The following XXYLT1 variants were observed in gnomAD, a reference collection of about 807,000 sequenced individuals.
XXYLT1 encodes the protein xyloside xylosyltransferase 1.
Under a neutral mutation model 28.9 loss-of-function variants are expected in XXYLT1, and 20 were observed. That is an observed-to-expected ratio of 0.69 (90% CI 0.49 to 1.00). The LOEUF (loss-of-function observed/expected upper bound fraction) is 1.00. Among genes scored for constraint, XXYLT1 ranks in the 50% least tolerant of loss-of-function variants. The pLI is 0.00. For synonymous variants in XXYLT1, 257 were observed against 253.8 expected (o/e 1.01, Z -0.12); for missense variants, 542 against 560.1 (o/e 0.97, Z 0.33).
rs187221325 is a variant in XXYLT1 at position 195,192,627 on chromosome 3, A to T, written c.652+34082T>A. ...GAATGCATGGCTGGTATAACATCTGAAATTAATGTAATACCCACAGACAAT... is the reference window on the plus strand; with the variant it reads ...GAATGCATGGCTGGTATAACATCTGTAATTAATGTAATACCCACAGACAAT... On this transcript the variant is annotated intron_variant, in intron 2 of 3. Coordinates refer to ENST00000310380, the MANE Select transcript of XXYLT1 (RefSeq NM_152531.5). Among the ~76,000 whole-genome samples the T allele has an allele frequency of 2.6e-5, 4 of 152,350 alleles. No individual in the cohort carries two copies. The East Asian group carries it at 7.7e-4, about 29-fold the overall frequency.
At chr3:195,187,262 C>T (rs1273590726) in intron 2 of XXYLT1, among the ~76,000 whole-genome samples, 2 of 150,530 alleles carry the variant, frequency 1.3e-5, no homozygotes, top group Admixed American at 6.6e-5. Context: ...AAGATAGAGA[C>T]GGGGTTTCAC....
intron 3 of XXYLT1, among the ~76,000 whole-genome samples, chr3:195,071,424 C>T (rs960983069): frequency 6.6e-6 from 1 of 152,228 alleles, no homozygotes; most frequent in African/African-American, 2.4e-5. Flanking sequence ...CATTGCTCCG[C>T]TTCTGGGAAC....
chr3:195,073,254 C>T lies in XXYLT1; in HGVS notation c.786-3143G>A, dbSNP rs140632744. Among the ~76,000 whole-genome samples the T allele has an allele frequency of 2.8e-3, 420 of 152,256 alleles. 2 individuals carry two copies. Among genetic ancestry groups the T allele is most frequent in the African/African-American group, 8.3e-3 (344 of 41,538 alleles). On this transcript the variant is annotated intron_variant, in intron 3 of 3. Transcript: ENST00000310380. ...GGCCGAGGCCAGGGGACAGGGTGATCGGGTGATGCTGGCACATTAGGAACT... is the reference window on the plus strand; with the variant it reads ...GGCCGAGGCCAGGGGACAGGGTGATTGGGTGATGCTGGCACATTAGGAACT...
chr3:195,078,003 C>T lies in XXYLT1; in HGVS notation c.786-7892G>A, dbSNP rs1250238288. Among the ~76,000 whole-genome samples, 2 of 152,098 alleles carry T rather than the reference C, an allele frequency of 1.3e-5. No homozygotes were observed. Among genetic ancestry groups the T allele is most frequent in the African/African-American group, 4.8e-5 (2 of 41,422 alleles). ...TCAGTCACATGCAGCCCCGGAGCCTCGGCCCTGGGAGGGGCAAGGGACAGA... is the reference window on the plus strand; with the variant it reads ...TCAGTCACATGCAGCCCCGGAGCCTTGGCCCTGGGAGGGGCAAGGGACAGA... On this transcript the variant is annotated intron_variant, in intron 3 of 3. Transcript: ENST00000310380. The surrounding 1 kb of genome is among the most constrained non-coding windows in gnomAD (Gnocchi z 5.0).
At chr3:195,147,422 T>C (rs558879916) in intron 3 of XXYLT1, among the ~76,000 whole-genome samples, 20 of 152,116 alleles carry the variant, frequency 1.3e-4, no homozygotes, top group African/African-American at 4.8e-4. Context: ...ATACAAAAAT[T>C]AGCCAGGCAT....
chr3:195,157,242 CA>C (rs34312884), intron 2 of XXYLT1, among the ~76,000 whole-genome samples: 1,752 of 73,802 alleles, frequency 0.024, 16 homozygotes, highest in African/African-American at 0.078. Flanking sequence ...GGCGCCATCT[CA>C]AAAAAAAAAA....
At chr3:195,098,494 A>G (rs895567933) in intron 3 of XXYLT1, among the ~76,000 whole-genome samples, 3 of 152,230 alleles carry the variant, frequency 2.0e-5, no homozygotes, top group African/African-American at 7.2e-5. Flanking sequence ...CGGAGCTTGC[A>G]GTGAGCGGAG....
At chr3:195,080,697 G>A (rs73890663) in intron 3 of XXYLT1, among the ~76,000 whole-genome samples, 3,787 of 152,272 alleles carry the variant, frequency 0.025, 146 homozygotes, top group African/African-American at 0.087. Context: ...CCGGGACAGC[G>A]AGCAGAGTGC....
chr3:195,124,337 G>A lies in XXYLT1; in HGVS notation c.785+32112C>T, dbSNP rs533740459. 2.5e-4 allele frequency among the ~76,000 whole-genome samples: 38 copies of A among 152,352 alleles called. No individual in the cohort carries two copies. The South Asian group carries it at 7.9e-3, about 32-fold the overall frequency. Reference sequence around the variant, plus strand: ...GTTTTCTACAGGAACTGACCAGATGGTTGGGGGCTGGACTGAGATGCTTCT... The same window carrying A: ...GTTTTCTACAGGAACTGACCAGATGATTGGGGGCTGGACTGAGATGCTTCT... On this transcript the variant is annotated intron_variant, in intron 3 of 3. Transcript: ENST00000310380. The surrounding 1 kb of genome is among the most constrained non-coding windows in gnomAD (Gnocchi z 4.1).
At chr3:195,221,834 G>A (rs1418130939) in intron 2 of XXYLT1, among the ~76,000 whole-genome samples, 1 of 152,190 alleles carries the variant, frequency 6.6e-6, no homozygotes, top group Non-Finnish European at 1.5e-5. Context: ...GGATGTGGGT[G>A]AAGAGCAGAG....
intron 1 of XXYLT1, among the ~76,000 whole-genome samples, chr3:195,265,531 G>A (rs1317240778): frequency 6.6e-6 from 1 of 152,226 alleles, no homozygotes; most frequent in Non-Finnish European, 1.5e-5. Flanking sequence ...TGTGCTCCAT[G>A]GAGGCCATAC....
At chr3:195,204,341 C>CAAAA (rs962372077) in intron 2 of XXYLT1, among the ~76,000 whole-genome samples, 1 of 106,788 alleles carries the variant, frequency 9.4e-6, no homozygotes, top group Non-Finnish European at 2.0e-5. Context: ...GACTCTGTCT[C>CAAAA]AAAAAAAAAA....
At chr3:195,231,699 C>T (rs80046943) in intron 1 of XXYLT1, among the ~76,000 whole-genome samples, 14,853 of 151,446 alleles carry the variant, frequency 0.098, 1,378 homozygotes, top group African/African-American at 0.24. Context: ...GGTTTGTGAA[C>T]GTTGAACCAT....
intron 1 of XXYLT1, among the ~76,000 whole-genome samples, chr3:195,244,782 A>C (rs1015704176): frequency 8.6e-5 from 13 of 150,572 alleles, no homozygotes; most frequent in Non-Finnish European, 1.6e-4. Context: ...AAAAAAAAAA[A>C]AACATGTTTC....
chr3:195,199,344 G>A (rs1487037206), intron 2 of XXYLT1, among the ~76,000 whole-genome samples: 1 of 152,190 alleles, frequency 6.6e-6, no homozygotes, highest in Non-Finnish European at 1.5e-5. Context: ...GGGCGCGGTG[G>A]CTCACACCTG....
At chr3:195,184,702 C>T (rs1444252989) in intron 2 of XXYLT1, 12 of 985,324 alleles carry the variant, frequency 1.2e-5, no homozygotes, top group South Asian at 4.7e-5. Flanking sequence ...CACACACAGC[C>T]GGTAAAACTT....
chr3:195,085,722 A>C (rs1037190714), intron 3 of XXYLT1, among the ~76,000 whole-genome samples: 7 of 152,198 alleles, frequency 4.6e-5, no homozygotes, highest in Non-Finnish European at 1.0e-4. Flanking sequence ...GCTGGCCCAG[A>C]GTTTGGTTCA....
chr3:195,125,702 T>C (rs1489367915), intron 3 of XXYLT1, among the ~76,000 whole-genome samples: 1 of 152,242 alleles, frequency 6.6e-6, no homozygotes, highest in Non-Finnish European at 1.5e-5. Flanking sequence ...GATTTTCAAC[T>C]GAAATCTTGC....
At chr3:195,171,348 C>T (rs1349694606) in intron 2 of XXYLT1, among the ~76,000 whole-genome samples, 1 of 152,164 alleles carries the variant, frequency 6.6e-6, no homozygotes, top group Non-Finnish European at 1.5e-5. Flanking sequence ...CTCTGGGAGC[C>T]CGAGATGGTG....
Sources: allele counts gnomAD v4.1 joint callset (sites outside exome capture counted in the v4.1 genomes callset), GRCh38; gene constraint gnomAD v4.1.1; non-coding constraint Gnocchi (gnomAD v3.1); transcripts MANE v1.5; gene names NCBI Gene and HGNC (gene_info 2026-07-23, HGNC 2026-07-21).